The following PTPRU variants were observed in gnomAD, a reference collection of about 807,000 sequenced individuals.
PTPRU encodes the protein protein tyrosine phosphatase receptor type U.
PTPRU carries 69 observed loss-of-function variants against 166.3 expected under a neutral mutation model. That is an observed-to-expected ratio of 0.41 (90% CI 0.34 to 0.51). PTPRU has a LOEUF of 0.51. PTPRU is among the 20% of genes least tolerant of loss of function. The pLI, the probability that PTPRU is intolerant of heterozygous loss-of-function variation, is 0.09. For missense variants in PTPRU, 1,657 were observed against 2,013.7 expected, an observed-to-expected ratio of 0.82 and a Z score of 3.39; for synonymous variants, 793 against 814.0, an observed-to-expected ratio of 0.97 and a Z score of 0.44.
At chr1:29,309,850 A>G (rs1687567249) in intron 18 of PTPRU, among the ~76,000 whole-genome samples, 1 of 152,176 alleles carries the variant, frequency 6.6e-6, no homozygotes, top group Non-Finnish European at 1.5e-5. Flanking sequence ...GAGGGTGTAA[A>G]CTTGAGGTAG....
At chr1:29,284,691 G>C in intron 13 of PTPRU, 40 bp from the exon 14 acceptor site, 1 of 1,613,932 alleles carries the variant, frequency 6.2e-7, no homozygotes, top group Admixed American at 1.7e-5. Flanking sequence ...GATGGTCCCT[G>C]TCTTTCCTCT....
In PTPRU at chr1:29,311,152, T is replaced by A. The variant is rs1687637907; in HGVS notation, c.2858-304T>A. On this transcript the variant is annotated intron_variant, in intron 19 of 29. Transcript: ENST00000373779. This position sits in a 1 kb window ranked among gnomAD's most constrained non-coding sequence, Gnocchi z 4.1. ...CTGGATTCTTCTGTTTGCATCCCTT[T>A]CCACGACTGTCCATCTGTCTGTCCC... is the stretch of plus-strand genomic sequence containing the variant. Among the ~76,000 whole-genome samples, 1 of 152,168 alleles carries A rather than the reference T, an allele frequency of 6.6e-6. No individual in the cohort carries two copies. Among genetic ancestry groups the A allele is most frequent in the Non-Finnish European group, 1.5e-5 (1 of 68,036 alleles).
At chr1:29,269,602 T>A (rs1056155543) in intron 7 of PTPRU, among the ~76,000 whole-genome samples, 5 of 152,110 alleles carry the variant, frequency 3.3e-5, no homozygotes, top group African/African-American at 1.2e-4. Flanking sequence ...GGCCCCTCCC[T>A]GCTTAGGCGC....
chr1:29,256,069 CAGT>C (rs1684760521), intron 2 of PTPRU, among the ~76,000 whole-genome samples: 3 of 152,308 alleles, frequency 2.0e-5, no homozygotes, highest in South Asian at 4.1e-4. Flanking sequence ...ACTTTACCAG[CAGT>C]GTCACTTAAC....
rs192593605 is a variant in PTPRU, at chr1:29,264,537, C to A, written c.1144+3634C>A. On this transcript the variant is annotated intron_variant, in intron 7 of 29. Coordinates refer to ENST00000373779, the MANE Select transcript of PTPRU (RefSeq NM_133178.4). ...TTTTTTTTTTTGAGACAGAGTTTCA[C>A]CCTTGTCGCCCAGGCTGGAGTGCAA... Among the ~76,000 whole-genome samples the A allele has an allele frequency of 5.2e-4, 79 of 151,138 alleles. 1 individual carries two copies. The East Asian group carries it at 0.014, about 26-fold the overall frequency.
rs1372021497 is a variant in PTPRU at position 29,236,610 on chromosome 1, C to T, written c.-35C>T. On this transcript the variant is annotated 5_prime_UTR_variant, in exon 1 of 30. Transcript: ENST00000373779. This position sits in a 1 kb window ranked among gnomAD's most constrained non-coding sequence, Gnocchi z 4.6. ...CGGGCTCCGGGGGCGGCGTCCCCCG[C>T]GCCGGGCCCCGGGACGGGCGGCGAC... The T allele has an allele frequency of 1.8e-5, 22 of 1,219,170 alleles. No homozygotes were observed. The African/African-American group carries it at 3.3e-4, about 18-fold the overall frequency. The allele number at this position is 1,219,170 out of a possible 1,614,324, so 75.5% of individuals were successfully genotyped here.
chr1:29,299,052 C>T lies in PTPRU; in HGVS notation c.2477-4803C>T, dbSNP rs146105081. 2.9e-3 allele frequency among the ~76,000 whole-genome samples: 435 copies of T among 152,286 alleles called. 1 individual carries two copies. Among genetic ancestry groups the T allele is most frequent in the African/African-American group, 7.7e-3 (322 of 41,566 alleles). ...CACATTGAATAACTGGGGGCCTCTCCTCATCTGAGGGTGGTGGGAATCAGG... is the reference window on the plus strand; with the variant it reads ...CACATTGAATAACTGGGGGCCTCTCTTCATCTGAGGGTGGTGGGAATCAGG... On this transcript the variant is annotated intron_variant, in intron 15 of 29. Transcript: ENST00000373779.
rs80321919 is a variant in PTPRU, at chr1:29,298,927, A to G, written c.2477-4928A>G. On this transcript the variant is annotated intron_variant, in intron 15 of 29. Transcript: ENST00000373779. The stretch of plus-strand genomic sequence containing the variant: ...ACTTAAGAATTGTGCTGGGCACTCA[A>G]TATGTTAGATATGGCTAGCTCTTAT... Among the ~76,000 whole-genome samples the G allele has an allele frequency of 6.4e-4, 97 of 152,340 alleles. 1 individual carries two copies. The East Asian group carries it at 0.014, about 22-fold the overall frequency.
chr1:29,323,791 G>A lies in PTPRU; in HGVS notation c.4112+3G>A, dbSNP rs1406717690. ...GGGCGCACCATCGTGCACTGCCTGT[G>A]AGTACCTGCCCTGTGGGAGGGCGGG... On this transcript the variant is annotated splice_donor_region_variant and intron_variant, in intron 28 of 29. Transcript: ENST00000373779. 1.9e-6 allele frequency: 3 copies of A among 1,613,896 alleles called. No individual in the cohort carries two copies. The highest frequency in any genetic ancestry group is 2.5e-6 in the Non-Finnish European group (3 of 1,179,930).
rs1209767452 is a variant in PTPRU, at chr1:29,258,774, C to T, written c.475C>T (p.Gln159Ter). The change falls in exon 3 of 30, where the codon CAG becomes TAG. Residue 159 changes from glutamine (Q) to a stop codon, truncating the protein, a stop_gained and splice_region_variant. Transcript: ENST00000373779. LOFTEE classifies it high-confidence loss of function. ...CAGCACTTTCTGGCCCAATGAATAT[C>T]AGGTGGGCTGGGTTCAGTCAGCGGT... ...AVSTFWPNEY[Q>*]VLFEALISPD... is the part of the protein sequence containing the mutation. 6.4e-7 allele frequency: 1 copy of T among 1,570,674 alleles called. No homozygotes were observed. The highest frequency in any genetic ancestry group is 8.6e-7 in the Non-Finnish European group (1 of 1,157,354).
intron 7 of PTPRU, among the ~76,000 whole-genome samples, chr1:29,269,753 G>A (rs1270643315): frequency 1.3e-5 from 2 of 152,078 alleles, no homozygotes; most frequent in South Asian, 2.1e-4. Context: ...TAAGCACTCC[G>A]AAGCTCATCA....
intron 27 of PTPRU, 67 bp downstream of exon 27, chr1:29,323,563 C>T: frequency 6.2e-7 from 1 of 1,611,356 alleles, no homozygotes; most frequent in South Asian, 1.1e-5. Context: ...TAATGACCCT[C>T]TGTGTCATCA....
intron 15 of PTPRU, among the ~76,000 whole-genome samples, chr1:29,298,827 G>A (rs1292132362): frequency 6.6e-6 from 1 of 152,066 alleles, no homozygotes; most frequent in Non-Finnish European, 1.5e-5. Flanking sequence ...AACTCTTCTG[G>A]GCCTCAGTTT....
At chr1:29,304,095 C>T in intron 16 of PTPRU, 50 bp downstream of exon 16, 9 of 1,560,488 alleles carry the variant, frequency 5.8e-6, no homozygotes, top group Non-Finnish European at 7.0e-6. Flanking sequence ...CCTCACCTGG[C>T]TCTTACTCTC....
chr1:29,251,099 A>G (rs1225185226), intron 1 of PTPRU, among the ~76,000 whole-genome samples: 1 of 152,206 alleles, frequency 6.6e-6, no homozygotes, highest in Non-Finnish European at 1.5e-5. Context: ...CTAAAAATAC[A>G]AAAACAAGCT....
chr1:29,319,245 C>G (rs1688039564), intron 25 of PTPRU, among the ~76,000 whole-genome samples: 1 of 152,206 alleles, frequency 6.6e-6, no homozygotes, highest in African/African-American at 2.4e-5. Context: ...ACTTAGGAAG[C>G]TGTGCCCTCC....
At chr1:29,325,000 G>A (rs1305394729) in intron 28 of PTPRU, among the ~76,000 whole-genome samples, 191 bp from the exon 29 acceptor site, 1 of 146,354 alleles carries the variant, frequency 6.8e-6, no homozygotes, top group East Asian at 2.0e-4. Flanking sequence ...TCTCCTCTAG[G>A]CTCTCGGGCC....
chr1:29,283,331 C>T (rs187121703), intron 12 of PTPRU, among the ~76,000 whole-genome samples: 1 of 151,572 alleles, frequency 6.6e-6, no homozygotes, highest in South Asian at 2.1e-4. Context: ...TAGCCCCTCC[C>T]CCATGGTCCC....
In PTPRU at chr1:29,260,129, T is replaced by A. The variant is rs1574624053; in HGVS notation, c.850+85T>A. 2.2e-6 allele frequency: 1 copy of A among 446,516 alleles called. No homozygotes were observed. Among genetic ancestry groups the A allele is most frequent in the Non-Finnish European group, 3.1e-6 (1 of 319,956 alleles). 27.7% of individuals were successfully genotyped at this position (446,516 alleles called of 1,614,324 possible). Reference sequence around the variant, plus strand: ...CGGGGGCGGGCTCTGCCCGGGGGCGTGGCCGTGGGGGGTGGGGCCGGCAGG... The same window carrying A: ...CGGGGGCGGGCTCTGCCCGGGGGCGAGGCCGTGGGGGGTGGGGCCGGCAGG... On this transcript the variant is annotated intron_variant, in intron 6 of 29. Coordinates refer to ENST00000373779, the MANE Select transcript of PTPRU (RefSeq NM_133178.4). The surrounding 1 kb of genome is among the most constrained non-coding windows in gnomAD (Gnocchi z 8.3).
Sources: gnomAD v4.1 joint callset for allele counts (sites outside exome capture counted in the v4.1 genomes callset) on GRCh38, gnomAD v4.1.1 for gene constraint, Gnocchi (gnomAD v3.1) non-coding constraint, MANE v1.5 for transcripts, NCBI Gene and HGNC (gene_info 2026-07-23, HGNC 2026-07-21) for gene names.